SRP72: variants seen among roughly 807,000 people sequenced by gnomAD.
SRP72 encodes the protein signal recognition particle subunit SRP72.
SRP72 carries 49 observed loss-of-function variants against 96.3 expected under a neutral mutation model. The observed-to-expected ratio is 0.51, with a 90% confidence interval of 0.40 to 0.65. The LOEUF (loss-of-function observed/expected upper bound fraction) is 0.65. Ranked by LOEUF, SRP72 falls within the 30% of genes least tolerant of loss-of-function variation. SRP72 has a pLI of 0.00. For missense variants in SRP72, 736 were observed against 793.3 expected (o/e 0.93, Z 0.87); for synonymous variants, 267 against 275.2 (o/e 0.97, Z 0.30).
At chr4:56,487,713 T>G (rs1286642358) in intron 11 of SRP72, among the ~76,000 whole-genome samples, 2 of 152,190 alleles carry the variant, frequency 1.3e-5, no homozygotes, top group Non-Finnish European at 2.9e-5. Context: ...GCCATTAACT[T>G]TCTTTGTGAG....
intron 9 of SRP72, among the ~76,000 whole-genome samples, chr4:56,484,026 ATTTTTTTTTTTTTT>A (rs539665243): frequency 2.7e-4 from 23 of 86,620 alleles, no homozygotes; most frequent in African/African-American, 1.1e-3. Context: ...AGAAGCAGTA[ATTTTTTTTTTTTTT>A]TTTTTTTTTT....
Position 56,488,073 on chromosome 4 carries a change from G to A in SRP72, c.1224+60G>A, listed in dbSNP as rs1300991478. 7.7e-6 allele frequency: 9 copies of A among 1,162,432 alleles called. No homozygotes were observed. The East Asian group carries it at 1.2e-4, about 16-fold the overall frequency. 72.0% of individuals were successfully genotyped at this position (1,162,432 alleles called of 1,614,324 possible). On this transcript the variant is annotated intron_variant, in intron 12 of 18. Coordinates refer to ENST00000642900, the MANE Select transcript of SRP72 (RefSeq NM_006947.4). ...TGAATTGATAATTTGTATGTCTAATGTGTATTCACTTTATTTATATGTCGA... is the reference window on the plus strand; with the variant it reads ...TGAATTGATAATTTGTATGTCTAATATGTATTCACTTTATTTATATGTCGA...
intron 2 of SRP72, 111 bp downstream of exon 2, chr4:56,469,884 C>T (rs796529558): frequency 8.4e-6 from 9 of 1,074,896 alleles, no homozygotes; most frequent in African/African-American, 5.9e-5. Context: ...CGTTTTTTTC[C>T]TTCCTTTTTT....
chr4:56,469,824 G>A (rs74840564), intron 2 of SRP72, 51 bp downstream of exon 2: 1 of 1,464,228 alleles, frequency 6.8e-7, no homozygotes, highest in South Asian at 1.4e-5. Context: ...ACTTACTATA[G>A]CTATAATCTC....
At position 56,503,518 on chromosome 4, in the gene SRP72, A is replaced by G. The variant is rs1394603545; in HGVS notation, c.*1657A>G. On this transcript the variant is annotated 3_prime_UTR_variant, in exon 19 of 19. Coordinates refer to ENST00000642900, the MANE Select transcript of SRP72 (RefSeq NM_006947.4). The stretch of plus-strand genomic sequence containing the variant: ...TTGTCAAATGAAGTATAAACACATG[A>G]ACTTTCTAGAAATATTTCCTCTTTT... 3.3e-5 allele frequency: 5 copies of G among 152,226 alleles called. No individual in the cohort carries two copies. Among genetic ancestry groups the G allele is most frequent in the Admixed American group, 2.0e-4 (3 of 15,280 alleles). 9.4% of individuals were successfully genotyped at this position (152,226 alleles called of 1,614,324 possible).
At chr4:56,486,457 G>C in intron 11 of SRP72, 60 bp downstream of exon 11, 1 of 1,428,388 alleles carries the variant, frequency 7.0e-7, no homozygotes, top group Non-Finnish European at 9.5e-7. Flanking sequence ...GAATGATTAA[G>C]CAGTTGTGAA....
intron 8 of SRP72, among the ~76,000 whole-genome samples, chr4:56,481,852 A>G (rs1391221275): frequency 1.4e-5 from 2 of 146,976 alleles, no homozygotes; most frequent in Non-Finnish European, 1.5e-5. Flanking sequence ...GCTCACTGCA[A>G]CCTCCCAGGT....
chr4:56,500,708 T>C lies in SRP72; in HGVS notation c.1838+13T>C. On this transcript the variant is annotated intron_variant, in intron 18 of 18. Transcript: ENST00000642900. ...CTTCATCTGAACTGTAAGTTATTGC[T>C]CCACAATTGAGGGCACTTAGAACAT... is the stretch of plus-strand genomic sequence containing the variant. The C allele has an allele frequency of 6.2e-7, 1 of 1,608,112 alleles. No individual in the cohort carries two copies.
chr4:56,486,964 A>G (rs535564439), intron 11 of SRP72, among the ~76,000 whole-genome samples: 1 of 152,220 alleles, frequency 6.6e-6, no homozygotes, highest in Non-Finnish European at 1.5e-5. Context: ...CACTAGCCAC[A>G]TACAGCTATT....
chr4:56,484,764 G>A lies in SRP72; in HGVS notation c.986G>A (p.Ser329Asn), dbSNP rs750170143. ...GAACAATGCCGCAAAATATCTGCCA[G>A]TTTACAGTCCCAAAGTCCCGAGCAT... ...QAEQCRKISA[S>N]LQSQSPEHLL... Residue 329 changes from serine (S) to asparagine (N), a missense_variant, in exon 10 of 19, where the codon AGT becomes AAT. Physicochemically the swap from Ser to Asn is conservative, Grantham distance 46. This residue lies in a region of SRP72 where 388 missense variants were observed against 431.8 expected (regional missense o/e 0.90). Transcript: ENST00000642900. The A allele has an allele frequency of 6.2e-6, 10 of 1,614,122 alleles. No individual in the cohort carries two copies. Among genetic ancestry groups the A allele is most frequent in the Non-Finnish European group, 8.5e-6 (10 of 1,180,030 alleles).
intron 17 of SRP72, among the ~76,000 whole-genome samples, chr4:56,497,230 T>A (rs959869388): frequency 1.3e-5 from 2 of 151,030 alleles, no homozygotes; most frequent in South Asian, 2.1e-4. Flanking sequence ...ATTTATTTTT[T>A]TTTTTTTGAG....
At chr4:56,473,688 C>G (rs1042168307) in intron 3 of SRP72, among the ~76,000 whole-genome samples, 69 of 151,726 alleles carry the variant, frequency 4.5e-4, no homozygotes, top group Non-Finnish European at 7.9e-4. Context: ...TCTCTTGAAC[C>G]AGGGAGGTGG....
chr4:56,489,883 T>G (rs1045855175), intron 13 of SRP72, among the ~76,000 whole-genome samples: 1 of 152,202 alleles, frequency 6.6e-6, no homozygotes, highest in Non-Finnish European at 1.5e-5. Context: ...AGTAGGAATA[T>G]CTTAATTTCC....
At chr4:56,480,552 A>T (rs1474290936) in intron 8 of SRP72, among the ~76,000 whole-genome samples, 1 of 152,148 alleles carries the variant, frequency 6.6e-6, no homozygotes, top group African/African-American at 2.4e-5. Flanking sequence ...GAGCCACCAC[A>T]CCCAGCCAGG....
intron 11 of SRP72, among the ~76,000 whole-genome samples, chr4:56,487,551 A>T (rs925461784): frequency 6.6e-6 from 1 of 152,116 alleles, no homozygotes; most frequent in African/African-American, 2.4e-5. Context: ...AGAATTTAAC[A>T]CCATAGGAAA....
rs1719789238 is a variant in SRP72, at chr4:56,467,717, A to C, written c.82A>C (p.Thr28Pro). Residue 28 changes from threonine (T) to proline (P), a missense_variant, in exon 1 of 19, where the codon ACG becomes CCG. This residue lies in a region of SRP72 where 329 missense variants were observed against 319.0 expected (regional missense o/e 1.03). Transcript: ENST00000642900. ...CCGGTATGGCCAGAACGGCGACTTC[A>C]CGCGCGCTCTCAAGACCGTCAATAA... ...VNRYGQNGDF[T>P]RALKTVNKIL... 3 of 1,486,842 alleles carry C rather than the reference A, an allele frequency of 2.0e-6. No individual in the cohort carries two copies. In the South Asian group the frequency reaches 3.6e-5, roughly 18 times the overall value. The allele number at this position is 1,486,842 out of a possible 1,614,324, so 92.1% of individuals were successfully genotyped here. A position where few individuals can be genotyped will look rare whatever the true frequency, so the allele number is the denominator to read the frequency against.
Position 56,502,497 on chromosome 4 carries a change from A to T in SRP72, c.*636A>T, listed in dbSNP as rs996823564. ...TATATATATATGTATATATATATAC[A>T]TATATATATATATATAAACATGAAA... On this transcript the variant is annotated 3_prime_UTR_variant, in exon 19 of 19. Transcript: ENST00000642900. The T allele has an allele frequency of 7.0e-5, 4 of 57,362 alleles. No homozygotes were observed. The highest frequency in any genetic ancestry group is 6.0e-4 in the South Asian group (1 of 1,660). The allele number at this position is 57,362 out of a possible 1,614,324, so 3.6% of individuals were successfully genotyped here.
chr4:56,478,432 G>A lies in SRP72; in HGVS notation c.696G>A (p.Met232Ile), dbSNP rs1190712067. ...QAELAIIHGQMAYILQLQGRT... is the reference protein window; with the variant it reads ...QAELAIIHGQIAYILQLQGRT... ...AACTGGCCATCATTCATGGTCAGATGGCTTATATTCTGCAGCTTCAGGGTC... is the reference window on the plus strand; with the variant it reads ...AACTGGCCATCATTCATGGTCAGATAGCTTATATTCTGCAGCTTCAGGGTC... Residue 232 changes from methionine (M) to isoleucine (I), a missense_variant, in exon 7 of 19, where the codon ATG becomes ATA. By Grantham distance (10) the Met-to-Ile change is conservative (BLOSUM62 1). Transcript: ENST00000642900. 8.7e-6 allele frequency: 14 copies of A among 1,613,474 alleles called. No individual in the cohort carries two copies. The highest frequency in any genetic ancestry group is 1.3e-5 in the African/African-American group (1 of 75,046).
intron 5 of SRP72, among the ~76,000 whole-genome samples, chr4:56,475,354 T>C (rs1383537112): frequency 6.6e-6 from 1 of 151,866 alleles, no homozygotes; most frequent in African/African-American, 2.4e-5. Context: ...GCCTAGCAGT[T>C]CAAGACCAGC....
Sources: allele counts gnomAD v4.1 joint callset (sites outside exome capture counted in the v4.1 genomes callset), GRCh38; gene constraint gnomAD v4.1.1; regional missense constraint gnomAD v4.1.1; transcripts MANE v1.5; gene names NCBI Gene and HGNC (gene_info 2026-07-23, HGNC 2026-07-21).